The following GALNT18 variants were observed in gnomAD, a reference collection of about 807,000 sequenced individuals.
GALNT18 encodes GalNAc-transferase 18.
Under a neutral mutation model 69.5 loss-of-function variants are expected in GALNT18, and 44 were observed. That is an observed-to-expected ratio of 0.63 (90% CI 0.50 to 0.81). The LOEUF is 0.81. Ranked by LOEUF, GALNT18 falls within the 40% of genes least tolerant of loss-of-function variation. The pLI, the probability that GALNT18 is intolerant of heterozygous loss-of-function variation, is 0.00. For missense variants in GALNT18, 715 were observed against 810.0 expected (o/e 0.88, Z 1.42); for synonymous variants, 364 against 318.2 (o/e 1.14, Z -1.53).
intron 10 of GALNT18, among the ~76,000 whole-genome samples, chr11:11,290,112 C>G (rs1199331806): frequency 6.6e-6 from 1 of 152,134 alleles, no homozygotes; most frequent in Non-Finnish European, 1.5e-5. Context: ...AAGCAGTACT[C>G]TTGTCGATTG....
At chr11:11,556,162 C>T (rs1326966788) in intron 1 of GALNT18, among the ~76,000 whole-genome samples, 1 of 152,200 alleles carries the variant, frequency 6.6e-6, no homozygotes, top group Non-Finnish European at 1.5e-5. Context: ...CAGAAATGGG[C>T]TCAGGGTTCC....
intron 1 of GALNT18, among the ~76,000 whole-genome samples, chr11:11,612,181 G>T (rs751724175): frequency 5.9e-5 from 9 of 151,874 alleles, no homozygotes; most frequent in Non-Finnish European, 1.3e-4. Context: ...AAAAAGGTAA[G>T]AAAAAAGGTA....
chr11:11,517,341 C>T (rs1369715424), intron 1 of GALNT18, among the ~76,000 whole-genome samples: 1 of 152,208 alleles, frequency 6.6e-6, no homozygotes, highest in Non-Finnish European at 1.5e-5. Context: ...TCAGCCTCCA[C>T]CCACCCAAAC....
intron 1 of GALNT18, among the ~76,000 whole-genome samples, chr11:11,560,171 G>GGTGGA (rs1565012869): frequency 6.0e-3 from 36 of 6,032 alleles, no homozygotes; most frequent in Non-Finnish European, 8.1e-3. Context: ...TATGGGATGG[G>GGTGGA]ATAGAATGAG....
chr11:11,470,587 T>C lies in GALNT18; in HGVS notation c.236-21651A>G, dbSNP rs558273707. 9.9e-5 allele frequency among the ~76,000 whole-genome samples: 15 copies of C among 152,254 alleles called. No individual in the cohort carries two copies. Among genetic ancestry groups the C allele is most frequent in the African/African-American group, 3.6e-4 (15 of 41,546 alleles). ...TCGCTAGCTAATTTTGATCTTTTGA[T>C]CTGTATATGATTCCTGTCTACTACT... On this transcript the variant is annotated intron_variant, in intron 1 of 10. Coordinates refer to ENST00000227756, the MANE Select transcript of GALNT18 (RefSeq NM_198516.3). The surrounding 1 kb of genome is among the most constrained non-coding windows in gnomAD (Gnocchi z 4.8).
chr11:11,342,756 T>C lies in GALNT18; in HGVS notation c.1093-1752A>G, dbSNP rs372979367. Among the ~76,000 whole-genome samples, 67 of 152,322 alleles carry C rather than the reference T, an allele frequency of 4.4e-4. No individual in the cohort carries two copies. The South Asian group carries it at 0.013, about 31-fold the overall frequency. ...TTATGAACAGGGCTGGCCATGAGACTACTCAGGTTCACATCCTGGCTCTGC... is the reference window on the plus strand; with the variant it reads ...TTATGAACAGGGCTGGCCATGAGACCACTCAGGTTCACATCCTGGCTCTGC... On this transcript the variant is annotated intron_variant, in intron 6 of 10. Transcript: ENST00000227756.
intron 1 of GALNT18, among the ~76,000 whole-genome samples, chr11:11,588,178 T>C (rs1377120700): frequency 6.6e-6 from 1 of 152,092 alleles, no homozygotes; most frequent in East Asian, 1.9e-4. Context: ...CCACCAACCT[T>C]CCCTCACACT....
intron 1 of GALNT18, among the ~76,000 whole-genome samples, chr11:11,560,485 G>C (rs557790592): frequency 4.5e-4 from 69 of 152,186 alleles, no homozygotes; most frequent in Non-Finnish European, 9.1e-4. Flanking sequence ...TGTAAGGCTG[G>C]GAACGTGCAG....
chr11:11,366,075 G>T (rs777269096), intron 6 of GALNT18, among the ~76,000 whole-genome samples: 74 of 152,198 alleles, frequency 4.9e-4, no homozygotes, highest in Non-Finnish European at 9.3e-4. Flanking sequence ...AGGGTCAGAG[G>T]TATTGTCCCA....
At chr11:11,581,941 G>T (rs1359011250) in intron 1 of GALNT18, among the ~76,000 whole-genome samples, 1 of 152,014 alleles carries the variant, frequency 6.6e-6, no homozygotes, top group South Asian at 2.1e-4. Context: ...CAGATAGGGG[G>T]CTAAAGAGGA....
intron 6 of GALNT18, among the ~76,000 whole-genome samples, chr11:11,349,601 G>C (rs147353763): frequency 2.6e-4 from 39 of 152,264 alleles, no homozygotes; most frequent in African/African-American, 7.5e-4. Flanking sequence ...CTGAGAGAAG[G>C]CTCATGTCAA....
At chr11:11,464,307 G>A (rs1287587655) in intron 1 of GALNT18, among the ~76,000 whole-genome samples, 3 of 152,180 alleles carry the variant, frequency 2.0e-5, no homozygotes, top group African/African-American at 7.2e-5. Flanking sequence ...CAGCCTTCCC[G>A]GGAGACTCGA....
chr11:11,529,656 C>G (rs572448008), intron 1 of GALNT18, among the ~76,000 whole-genome samples: 54 of 151,922 alleles, frequency 3.6e-4, no homozygotes, highest in Admixed American at 8.5e-4. Flanking sequence ...CACACACACA[C>G]AGAGACATAT....
chr11:11,283,059 G>C (rs891434292), intron 10 of GALNT18, among the ~76,000 whole-genome samples: 1 of 152,172 alleles, frequency 6.6e-6, no homozygotes, highest in Non-Finnish European at 1.5e-5. Flanking sequence ...AGAAATGGCG[G>C]AGTCGTGGGC....
chr11:11,569,444 T>C (rs1858731768), intron 1 of GALNT18, among the ~76,000 whole-genome samples: 1 of 148,990 alleles, frequency 6.7e-6, no homozygotes, highest in Non-Finnish European at 1.5e-5. Context: ...AGCCAACATG[T>C]CCTGGAAACC....
At position 11,511,172 on chromosome 11, in the gene GALNT18, C is replaced by T. The variant is rs955950648; in HGVS notation, c.236-62236G>A. Reference sequence around the variant, plus strand: ...TCCTTTTGGACTGAATGAGGTTTCTCGCTGTGAATAATGGCATTGAAGTAT... The same window carrying T: ...TCCTTTTGGACTGAATGAGGTTTCTTGCTGTGAATAATGGCATTGAAGTAT... On this transcript the variant is annotated intron_variant, in intron 1 of 10. Coordinates refer to ENST00000227756, the MANE Select transcript of GALNT18 (RefSeq NM_198516.3). The surrounding 1 kb of genome is among the most constrained non-coding windows in gnomAD (Gnocchi z 4.9). Among the ~76,000 whole-genome samples the T allele has an allele frequency of 1.3e-5, 2 of 152,186 alleles. No homozygotes were observed. Among genetic ancestry groups the T allele is most frequent in the East Asian group, 3.9e-4 (2 of 5,194 alleles).
chr11:11,295,144 G>C (rs1849373313), intron 9 of GALNT18, among the ~76,000 whole-genome samples: 5 of 152,160 alleles, frequency 3.3e-5, no homozygotes, highest in Admixed American at 3.3e-4. Flanking sequence ...GAGTAAGCGT[G>C]GTCCTTCACG....
chr11:11,296,758 C>T (rs118033033), intron 9 of GALNT18, among the ~76,000 whole-genome samples: 1,535 of 152,230 alleles, frequency 0.01, 9 homozygotes, highest in Middle Eastern at 0.024. Flanking sequence ...ATGGGGCAGA[C>T]GATTGTTATT....
chr11:11,499,013 G>C (rs1374081651), intron 1 of GALNT18, among the ~76,000 whole-genome samples: 1 of 152,140 alleles, frequency 6.6e-6, no homozygotes, highest in Non-Finnish European at 1.5e-5. Context: ...TTGTGCTCTT[G>C]GCTGAGTCAA....
Sources: gnomAD v4.1 joint callset for allele counts (sites outside exome capture counted in the v4.1 genomes callset) on GRCh38, gnomAD v4.1.1 for gene constraint, Gnocchi (gnomAD v3.1) non-coding constraint, MANE v1.5 for transcripts, NCBI Gene and HGNC (gene_info 2026-07-23, HGNC 2026-07-21) for gene names.